The following CNTNAP2 variants were observed in gnomAD, a reference collection of about 807,000 sequenced individuals.
CNTNAP2 encodes contactin-associated protein-like 2.
In CNTNAP2, 98 loss-of-function variants were observed where a neutral mutation model predicts 155.2. The ratio of observed to expected loss-of-function variants is 0.63; its 90% CI spans 0.54 to 0.75. CNTNAP2 has a LOEUF of 0.75. Among genes scored for constraint, CNTNAP2 ranks in the 30% least tolerant of loss-of-function variants. The pLI is 0.00. For synonymous variants in CNTNAP2, 651 were observed against 631.2 expected (o/e 1.03, Z -0.47); for missense variants, 1,727 against 1,688.1 (o/e 1.02, Z -0.40).
At position 146,976,543 on chromosome 7, in the gene CNTNAP2, A is replaced by G. The variant is rs1797914857; in HGVS notation, c.403-67364A>G. Among the ~76,000 whole-genome samples, 5 of 152,146 alleles carry G rather than the reference A, an allele frequency of 3.3e-5. No homozygotes were observed. The South Asian group carries it at 1.0e-3, about 31-fold the overall frequency. ...ACTTATTTACATTTTCCAGTTTATTATGAAAGATATGACAAAGGATACAGA... is the reference window on the plus strand; with the variant it reads ...ACTTATTTACATTTTCCAGTTTATTGTGAAAGATATGACAAAGGATACAGA... On this transcript the variant is annotated intron_variant, in intron 3 of 23. Coordinates refer to ENST00000361727, the MANE Select transcript of CNTNAP2 (RefSeq NM_014141.6).
chr7:148,237,165 G>A (rs1266615298), intron 20 of CNTNAP2, among the ~76,000 whole-genome samples: 1 of 152,178 alleles, frequency 6.6e-6, no homozygotes, highest in East Asian at 1.9e-4. Context: ...CCTGCCTTAA[G>A]ATACCAATGT....
intron 16 of CNTNAP2, 92 bp from the exon 17 acceptor site, chr7:148,147,399 C>T: frequency 1.6e-6 from 2 of 1,247,478 alleles, no homozygotes; most frequent in Non-Finnish European, 2.4e-6. Context: ...GATGATTTTT[C>T]CTCTCCCTGC....
chr7:147,322,021 G>A (rs1332097982), intron 9 of CNTNAP2, among the ~76,000 whole-genome samples: 5 of 152,170 alleles, frequency 3.3e-5, no homozygotes, highest in Non-Finnish European at 5.9e-5. Context: ...ATGGAGTCAG[G>A]AAGCTAGGCT....
At chr7:146,631,145 C>T (rs1420440331) in intron 1 of CNTNAP2, among the ~76,000 whole-genome samples, 5 of 152,100 alleles carry the variant, frequency 3.3e-5, no homozygotes, top group Non-Finnish European at 7.4e-5. Flanking sequence ...CATCATGCTA[C>T]CTGACTTCAA....
intron 12 of CNTNAP2, among the ~76,000 whole-genome samples, chr7:147,581,289 T>C (rs1297789082): frequency 6.6e-6 from 1 of 152,240 alleles, no homozygotes; most frequent in Non-Finnish European, 1.5e-5. Context: ...TAACAGATCT[T>C]TGGTCTAGTT....
chr7:148,205,408 C>G (rs1225749223), intron 18 of CNTNAP2, among the ~76,000 whole-genome samples: 1 of 152,200 alleles, frequency 6.6e-6, no homozygotes, highest in African/African-American at 2.4e-5. Flanking sequence ...CAAACTGAGG[C>G]AGAGTCACTG....
intron 1 of CNTNAP2, among the ~76,000 whole-genome samples, chr7:146,325,569 AAGAC>A (rs769413204): frequency 2.0e-5 from 3 of 152,182 alleles, no homozygotes; most frequent in Non-Finnish European, 4.4e-5. Flanking sequence ...GAAGGGGAAA[AAGAC>A]AGACAGATGG....
intron 10 of CNTNAP2, among the ~76,000 whole-genome samples, chr7:147,433,547 CA>C (rs1797499731): frequency 6.6e-6 from 1 of 152,138 alleles, no homozygotes; most frequent in Non-Finnish European, 1.5e-5. Flanking sequence ...ACCTTTCAGG[CA>C]AAAGTGTTGA....
chr7:146,644,380 G>A (rs2129162105), intron 1 of CNTNAP2, among the ~76,000 whole-genome samples: 1 of 152,212 alleles, frequency 6.6e-6, no homozygotes, highest in Non-Finnish European at 1.5e-5. Context: ...GTTGAATTTT[G>A]TCAAAGGCCT....
chr7:147,195,357 T>A (rs1000424900), intron 8 of CNTNAP2, among the ~76,000 whole-genome samples: 6 of 152,214 alleles, frequency 3.9e-5, no homozygotes, highest in Admixed American at 3.3e-4. Flanking sequence ...GGTAGCGTGA[T>A]GCCTCCAGCT....
intron 15 of CNTNAP2, among the ~76,000 whole-genome samples, chr7:148,099,868 G>GTTTTTTTT (rs751537152): frequency 2.7e-4 from 24 of 88,808 alleles, no homozygotes; most frequent in Non-Finnish European, 3.5e-4. Context: ...TTTTTTTTTG[G>GTTTTTTTT]TTTTTTTTTT....
At chr7:147,419,647 C>T (rs1464464788) in intron 10 of CNTNAP2, among the ~76,000 whole-genome samples, 6 of 152,116 alleles carry the variant, frequency 3.9e-5, no homozygotes, top group African/African-American at 1.4e-4. Context: ...TTCTTGGAAG[C>T]TTTCTTACAG....
intron 1 of CNTNAP2, among the ~76,000 whole-genome samples, chr7:146,504,862 G>A (rs1797359669): frequency 1.3e-5 from 2 of 152,242 alleles, no homozygotes; most frequent in East Asian, 3.9e-4. Context: ...GTCCTCTGGG[G>A]CCCAGCCTTG....
At chr7:147,876,743 A>C (rs1454038585) in intron 13 of CNTNAP2, among the ~76,000 whole-genome samples, 1 of 152,016 alleles carries the variant, frequency 6.6e-6, no homozygotes, top group African/African-American at 2.4e-5. Flanking sequence ...GCCTGAACGT[A>C]GGGTGCTTAT....
At chr7:146,693,675 A>T (rs1257898656) in intron 1 of CNTNAP2, among the ~76,000 whole-genome samples, 2 of 152,122 alleles carry the variant, frequency 1.3e-5, no homozygotes, top group African/African-American at 2.4e-5. Context: ...ATCAGTGCCA[A>T]ATGAAATACT....
chr7:146,529,965 A>AAACAACAACAACAACAACAACAAC (rs59533423), intron 1 of CNTNAP2, among the ~76,000 whole-genome samples: 5 of 150,634 alleles, frequency 3.3e-5, no homozygotes, highest in African/African-American at 1.2e-4. Flanking sequence ...CTCCGTCTCA[A>AAACAACAACAACAACAACAACAAC]AACAACAACA....
chr7:147,503,475 G>A (rs1164179153), intron 11 of CNTNAP2, among the ~76,000 whole-genome samples: 3 of 151,934 alleles, frequency 2.0e-5, no homozygotes, highest in Non-Finnish European at 1.5e-5. Flanking sequence ...ACCCCGCTTT[G>A]CCACACCTGC....
intron 21 of CNTNAP2, among the ~76,000 whole-genome samples, chr7:148,304,624 A>G (rs900934457): frequency 2.6e-5 from 4 of 152,172 alleles, no homozygotes; most frequent in African/African-American, 9.7e-5. Flanking sequence ...GAGTGGGTGT[A>G]GCTGGGTGCT....
chr7:147,743,285 A>G (rs1796981793), intron 13 of CNTNAP2, among the ~76,000 whole-genome samples: 5 of 152,134 alleles, frequency 3.3e-5, no homozygotes, highest in Admixed American at 3.3e-4. Context: ...CAAATAGCAA[A>G]TGGTAGCTGG....
Sources: gnomAD v4.1 joint callset for allele counts (sites outside exome capture counted in the v4.1 genomes callset) on GRCh38, gnomAD v4.1.1 for gene constraint, MANE v1.5 for transcripts, NCBI Gene and HGNC (gene_info 2026-07-23, HGNC 2026-07-21) for gene names.